Variants in TNS2 observed in about 807,000 individuals in gnomAD.
TNS2 encodes the protein tensin 2.
A neutral mutation model predicts 155.7 loss-of-function variants in TNS2; 77 were observed. The ratio of observed to expected loss-of-function variants is 0.49; its 90% CI spans 0.41 to 0.60. The LOEUF is 0.60. Among genes scored for constraint, TNS2 ranks in the 20% least tolerant of loss-of-function variants. The pLI, the probability that TNS2 is intolerant of heterozygous loss-of-function variation, is 0.00. For synonymous variants in TNS2, 726 were observed against 763.9 expected (o/e 0.95, Z 0.82); for missense variants, 1,703 against 1,868.8 (o/e 0.91, Z 1.64).
intron 14 of TNS2, 42 bp from the exon 15 acceptor site, chr12:53,058,274 A>T: frequency 6.2e-7 from 1 of 1,609,856 alleles, no homozygotes; most frequent in East Asian, 2.2e-5. Context: ...AGCGCAGAAG[A>T]GGACATGAGG....
intron 2 of TNS2, 184 bp downstream of exon 2, chr12:53,052,147 C>T (rs1943957553): frequency 1.6e-6 from 1 of 615,280 alleles, no homozygotes; most frequent in Non-Finnish European, 2.8e-6. Flanking sequence ...AGACACCTCC[C>T]ATAACCCAGG....
upstream of TNS2, chr12:53,049,980 C>A (rs994548290): frequency 1.6e-5 from 21 of 1,323,706 alleles, no homozygotes; most frequent in South Asian, 9.2e-5. Context: ...CATCCTCCCC[C>A]CTCCACTTCC....
intron 11 of TNS2, 39 bp from the exon 12 acceptor site, chr12:53,057,528 G>A (rs1171391698): frequency 2.7e-6 from 4 of 1,496,788 alleles, no homozygotes; most frequent in East Asian, 2.3e-5. Flanking sequence ...GACCTCCAGA[G>A]GAAAAGGCTT....
chr12:53,062,927 C>A (rs1944428837), intron 25 of TNS2, 162 bp from the exon 26 acceptor site: 3 of 1,058,398 alleles, frequency 2.8e-6, no homozygotes, highest in Non-Finnish European at 4.0e-6. Context: ...CTCTGCCTCG[C>A]TTCTGACTGT....
chr12:53,059,994 GC>G lies in TNS2; in HGVS notation c.2356del (p.Leu786TrpfsTer2). 2 of 1,613,440 alleles carry G rather than the reference GC, an allele frequency of 1.2e-6. No homozygotes were observed. The highest frequency in any genetic ancestry group is 1.7e-6 in the Non-Finnish European group (2 of 1,179,960). ...CAGGTATGGGCATCCAGGGTACCCT[GC>G]CCTGGTGACATACAGCTATGGAGGA... ...EGRYGHPGYP[A>X]LVTYSYGGAV... On this transcript the variant is annotated frameshift_variant, in exon 18 of 29. Transcript: ENST00000314250. LOFTEE classifies it high-confidence loss of function. The surrounding 1 kb of genome is among the most constrained non-coding windows in gnomAD (Gnocchi z 4.7).
At chr12:53,047,496 C>CGCGGGGA (rs1565598359), upstream of TNS2, among the ~76,000 whole-genome samples, 1 of 148,448 alleles carries the variant, frequency 6.7e-6, no homozygotes, top group Admixed American at 6.7e-5. Flanking sequence ...GGGCGCGGGG[C>CGCGGGGA]GCGGCCCAGG....
At chr12:53,055,936 T>C in intron 10 of TNS2, 91 bp downstream of exon 10, 1 of 1,378,446 alleles carries the variant, frequency 7.3e-7, no homozygotes, top group Non-Finnish European at 1.0e-6. Flanking sequence ...AGCCCACCTC[T>C]TCGTTGAGAG....
chr12:53,060,495 C>T lies in TNS2; in HGVS notation c.2708C>T (p.Ser903Leu). ...CGAGATGCCCCATGCAGTGCTTCGT[C>T]AGAGTTGTCTGGTCCCTCCACGCCC... Reference protein sequence around the residue: ...SPRDAPCSASSELSGPSTPLH... With the variant: ...SPRDAPCSASLELSGPSTPLH... The change falls in exon 19 of 29, where the codon TCA (serine) becomes TTA (leucine). Residue 903 changes from serine (S) to leucine (L), a missense_variant. Ser to Leu is a moderately radical substitution (Grantham distance 145). Coordinates refer to ENST00000314250, the MANE Select transcript of TNS2 (RefSeq NM_170754.4). This position sits in a 1 kb window ranked among gnomAD's most constrained non-coding sequence, Gnocchi z 6.1. 1 of 1,613,894 alleles carries T rather than the reference C, an allele frequency of 6.2e-7. No individual in the cohort carries two copies. The highest frequency in any genetic ancestry group is 8.5e-7 in the Non-Finnish European group (1 of 1,179,992).
chr12:53,053,774 C>G lies in TNS2; in HGVS notation c.262C>G (p.Arg88Gly). 1 of 1,611,416 alleles carries G rather than the reference C, an allele frequency of 6.2e-7. No homozygotes were observed. Among genetic ancestry groups the G allele is most frequent in the South Asian group, 1.1e-5 (1 of 90,958 alleles). ...CTTTTCCTCCCCCATCTCCCTCTAG[C>G]GGCGAAACACGGCCCCAGTCAGGCG... Reference protein sequence around the residue: ...ACQALPPVELRRNTAPVRRIE... With the variant: ...ACQALPPVELGRNTAPVRRIE... Residue 88 changes from arginine (R) to glycine (G), a missense_variant and splice_region_variant, in exon 5 of 29, where the codon CGG becomes GGG. Transcript: ENST00000314250.
intron 1 of TNS2, among the ~76,000 whole-genome samples, chr12:53,051,268 AC>A (rs59876374): frequency 0.012 from 1,824 of 152,032 alleles, 36 homozygotes; most frequent in African/African-American, 0.041. Context: ...CAGCATGACC[AC>A]CCCCATTACA....
At chr12:53,058,947 G>A (rs866414026) in intron 17 of TNS2, 100 bp from the exon 18 acceptor site, 90 of 1,549,450 alleles carry the variant, frequency 5.8e-5, no homozygotes, top group Middle Eastern at 5.1e-4. Flanking sequence ...AGACACCCCC[G>A]GCCCGACAGC....
chr12:53,052,935 G>A (rs1288955161), intron 3 of TNS2, among the ~76,000 whole-genome samples: 1 of 152,086 alleles, frequency 6.6e-6, no homozygotes, highest in Non-Finnish European at 1.5e-5. Context: ...GCCTTTCCAG[G>A]TATAAGCTGT....
At chr12:53,062,870 C>CAAA in intron 25 of TNS2, 173 bp downstream of exon 25, 1 of 962,950 alleles carries the variant, frequency 1.0e-6, no homozygotes, top group Non-Finnish European at 1.5e-6. Flanking sequence ...CCTAGGTTCT[C>CAAA]AAAGTCTCAT....
In TNS2 at chr12:53,063,496, CG is replaced by C; in HGVS notation, c.4062-65del. 6.2e-7 allele frequency: 1 copy of C among 1,611,530 alleles called. No individual in the cohort carries two copies. The highest frequency in any genetic ancestry group is 2.2e-5 in the East Asian group (1 of 44,834). ...CAGCTCCCAGCCCCAGCCCCAGCCC[CG>C]GCCCCGGCCCCCCTTCAGCAGCTGT... On this transcript the variant is annotated intron_variant, in intron 27 of 28. Transcript: ENST00000314250. This position sits in a 1 kb window ranked among gnomAD's most constrained non-coding sequence, Gnocchi z 5.6.
chr12:53,047,046 C>G (rs1203632166), upstream of TNS2: 4 of 152,248 alleles, frequency 2.6e-5, no homozygotes, highest in Non-Finnish European at 5.9e-5. Flanking sequence ...TGCGCACCCT[C>G]TCTCCCCTCG....
At chr12:53,049,211 T>C, upstream of TNS2, 1 of 1,604,398 alleles carries the variant, frequency 6.2e-7, no homozygotes, top group Non-Finnish European at 8.5e-7. Context: ...CTGGGACAGC[T>C]GCTGAGGAAG....
rs758677101 is a variant in TNS2 at position 53,062,601 on chromosome 12, C to T, written c.3746-19C>T. On this transcript the variant is annotated intron_variant, in intron 24 of 28. Coordinates refer to ENST00000314250, the MANE Select transcript of TNS2 (RefSeq NM_170754.4). ...CACTCTGCCTTCTGAGCTTCCCTGT[C>T]GGTTCTCATTGCCCTCAGATCCTCT... 2.7e-5 allele frequency: 44 copies of T among 1,613,304 alleles called. No individual in the cohort carries two copies. Among genetic ancestry groups the T allele is most frequent in the East Asian group, 4.5e-5 (2 of 44,866 alleles).
At chr12:53,061,745 G>T in intron 21 of TNS2, 70 bp from the exon 22 acceptor site, 1 of 1,555,526 alleles carries the variant, frequency 6.4e-7, no homozygotes, top group Non-Finnish European at 8.7e-7. Flanking sequence ...GCAGAGGAGG[G>T]GGGCTGCATG....
At position 53,051,946 on chromosome 12, in the gene TNS2, C is replaced by T. The variant is rs976923552; in HGVS notation, c.167C>T (p.Thr56Ile). The change falls in exon 2 of 29, where the codon ACA (threonine) becomes ATA (isoleucine). Residue 56 changes from threonine to isoleucine, a missense_variant. Thr to Ile is a moderately conservative substitution (Grantham distance 89, BLOSUM62 -1). Transcript: ENST00000314250. ...GTATGTAAGGTGACCATCGATGGGACAGGCGTTTCGTGCAGAGGTGAGGCT... is the reference window on the plus strand; with the variant it reads ...GTATGTAAGGTGACCATCGATGGGATAGGCGTTTCGTGCAGAGGTGAGGCT... ...CAVCKVTIDG[T>I]GVSCRVCKVA... 1 of 1,613,302 alleles carries T rather than the reference C, an allele frequency of 6.2e-7. No homozygotes were observed. Among genetic ancestry groups the T allele is most frequent in the Non-Finnish European group, 8.5e-7 (1 of 1,179,634 alleles).
Sources: allele counts gnomAD v4.1 joint callset (sites outside exome capture counted in the v4.1 genomes callset), GRCh38; gene constraint gnomAD v4.1.1; non-coding constraint Gnocchi (gnomAD v3.1); transcripts MANE v1.5; gene names NCBI Gene and HGNC (gene_info 2026-07-23, HGNC 2026-07-21).